The following AMZ1 variants were observed in gnomAD, a reference collection of about 807,000 sequenced individuals.
AMZ1 encodes archaelysin family metallopeptidase 1, also known as archaemetzincin-1.
AMZ1 carries 39 observed loss-of-function variants against 29.9 expected under a neutral mutation model. The observed-to-expected ratio is 1.30, with a 90% CI of 1.01 to 1.70. The LOEUF (loss-of-function observed/expected upper bound fraction) is 1.70, where lower values mean the gene tolerates loss of function less well. Among genes scored for constraint, AMZ1 ranks in the 40% most tolerant of loss-of-function variants. The pLI is 0.00. For missense variants in AMZ1, 1,041 were observed against 680.6 expected (o/e 1.53, Z -5.89); for synonymous variants, 458 against 304.0 (o/e 1.51, Z -5.27).
intron 3 of AMZ1, 108 bp downstream of exon 3, chr7:2,702,997 C>G: frequency 7.2e-7 from 1 of 1,388,382 alleles, no homozygotes. Context: ...TTCCTTTTTG[C>G]TGGGAAACAT....
At chr7:2,729,535 T>G (rs1460489895) in intron 4 of AMZ1, 2 of 152,366 alleles carry the variant, frequency 1.3e-5, no homozygotes, top group East Asian at 3.8e-4. Context: ...GAGAACGCTG[T>G]GCTAACAGGG....
chr7:2,705,258 G>C lies in AMZ1; in HGVS notation c.472+2369G>C, dbSNP rs866900200. ...TCATTCTGATGGTCCCCAGGGCTCC[G>C]CATCCCTCCCAGGGCAGGAAGCATG... On this transcript the variant is annotated intron_variant, in intron 3 of 6. Transcript: ENST00000683327. Among the ~76,000 whole-genome samples the C allele has an allele frequency of 2.6e-5, 4 of 152,210 alleles. No individual in the cohort carries two copies. In the Middle Eastern group the frequency reaches 0.01, roughly 388 times the overall value.
At chr7:2,736,609 T>C (rs911195026) in intron 4 of AMZ1, among the ~76,000 whole-genome samples, 1 of 152,264 alleles carries the variant, frequency 6.6e-6, no homozygotes, top group African/African-American at 2.4e-5. Flanking sequence ...CGGGCAGATG[T>C]GATGTCGTGA....
intron 3 of AMZ1, among the ~76,000 whole-genome samples, chr7:2,707,651 A>G (rs535358598): frequency 6.6e-6 from 1 of 152,094 alleles, no homozygotes; most frequent in South Asian, 2.1e-4. Flanking sequence ...TGCCCAGGCT[A>G]AAGTCAAGGG....
intron 4 of AMZ1, among the ~76,000 whole-genome samples, chr7:2,743,932 A>G (rs1790634995): frequency 6.6e-6 from 1 of 152,092 alleles, no homozygotes; most frequent in Non-Finnish European, 1.5e-5. Context: ...CTAGCACAGC[A>G]GTCTGAGATC....
chr7:2,751,696 T>C (rs1791047012), intron 4 of AMZ1, among the ~76,000 whole-genome samples: 1 of 152,192 alleles, frequency 6.6e-6, no homozygotes, highest in African/African-American at 2.4e-5. Context: ...TATAGCTCCG[T>C]CAAACATTGA....
chr7:2,756,944 C>T (rs895478873), intron 4 of AMZ1, among the ~76,000 whole-genome samples: 14 of 152,150 alleles, frequency 9.2e-5, no homozygotes, highest in African/African-American at 2.9e-4. Flanking sequence ...TGTGGTGGCA[C>T]ATGCCTGTAG....
intron 1 of AMZ1, among the ~76,000 whole-genome samples, chr7:2,693,122 T>C (rs1467213595): frequency 1.3e-5 from 2 of 152,184 alleles, no homozygotes; most frequent in African/African-American, 4.8e-5. Flanking sequence ...TGTTTTGAGA[T>C]GGAGTTTTTG....
Position 2,682,129 on chromosome 7 carries a change from G to A in AMZ1, c.-219+2458G>A, listed in dbSNP as rs951119688. The stretch of plus-strand genomic sequence containing the variant: ...GTGAATACTAATCCAGAAGCTCAAA[G>A]GGCGGCCTCACAGGCTGGGCACAGG... On this transcript the variant is annotated intron_variant, in intron 1 of 6. Coordinates refer to the AMZ1 transcript ENST00000312371. Among the ~76,000 whole-genome samples, 41 of 152,336 alleles carry A rather than the reference G, an allele frequency of 2.7e-4. 1 individual carries two copies. The highest frequency in any genetic ancestry group is 9.6e-4 in the African/African-American group (40 of 41,592).
At chr7:2,759,397 A>G (rs1791454828) in intron 4 of AMZ1, among the ~76,000 whole-genome samples, 2 of 152,118 alleles carry the variant, frequency 1.3e-5, no homozygotes, top group Non-Finnish European at 2.9e-5. Context: ...CATTCTCACA[A>G]TACTCACGGT....
chr7:2,737,333 G>A (rs561186933), intron 4 of AMZ1, among the ~76,000 whole-genome samples: 83 of 122,060 alleles, frequency 6.8e-4, no homozygotes, highest in South Asian at 3.2e-3. Context: ...CTGTCGCCCC[G>A]GCTGGAGTGC....
At chr7:2,689,775 C>T (rs569610780) in intron 1 of AMZ1, among the ~76,000 whole-genome samples, 6 of 152,184 alleles carry the variant, frequency 3.9e-5, no homozygotes, top group Non-Finnish European at 8.8e-5. Flanking sequence ...GTGACAGGGT[C>T]CAAAGGACAG....
At position 2,712,844 on chromosome 7, in the gene AMZ1, C is replaced by T. The variant is rs151107679; in HGVS notation, c.1463C>T (p.Ser488Leu). 278 of 1,527,136 alleles carry T rather than the reference C, an allele frequency of 1.8e-4. No homozygotes were observed. In the African/African-American group the frequency reaches 3.4e-3, roughly 18 times the overall value. 94.6% of individuals were successfully genotyped at this position (1,527,136 alleles called of 1,614,324 possible). A position where few individuals can be genotyped will look rare whatever the true frequency, so the allele number is the denominator to read the frequency against. The change falls in exon 7 of 7, where the codon TCG becomes TTG. Residue 488 changes from serine to leucine, a missense_variant. By Grantham distance (145) the Ser-to-Leu change is moderately radical (BLOSUM62 -2). Coordinates refer to ENST00000683327, the MANE Select transcript of AMZ1 (RefSeq NM_001384743.1). ...LSARKLARAE[S>L]APRPWDGEES Reference sequence around the variant, plus strand: ...GCCCGAAAACTCGCCAGAGCAGAGTCGGCCCCCCGTCCCTGGGATGGGGAA... The same window carrying T: ...GCCCGAAAACTCGCCAGAGCAGAGTTGGCCCCCCGTCCCTGGGATGGGGAA...
At chr7:2,738,245 T>A (rs1031067010) in intron 4 of AMZ1, among the ~76,000 whole-genome samples, 1 of 151,628 alleles carries the variant, frequency 6.6e-6, no homozygotes, top group Non-Finnish European at 1.5e-5. Flanking sequence ...TGAAACCCTG[T>A]CTGTACTAAA....
chr7:2,745,363 T>A (rs926372908), intron 4 of AMZ1, among the ~76,000 whole-genome samples: 6 of 152,192 alleles, frequency 3.9e-5, no homozygotes, highest in African/African-American at 1.4e-4. Flanking sequence ...GGGGCCAATA[T>A]TCAACATTCT....
chr7:2,685,328 C>T (rs974563507), upstream of AMZ1, among the ~76,000 whole-genome samples: 30 of 151,622 alleles, frequency 2.0e-4, no homozygotes, highest in African/African-American at 7.0e-4. Context: ...GAGGCCAAGG[C>T]GGGTGGATCA....
intron 4 of AMZ1, among the ~76,000 whole-genome samples, chr7:2,748,991 C>A (rs1790898851): frequency 6.6e-6 from 1 of 152,158 alleles, no homozygotes; most frequent in Non-Finnish European, 1.5e-5. Flanking sequence ...GAATGGTGAT[C>A]ATTAAAAAGT....
chr7:2,705,774 C>A (rs544788030), intron 3 of AMZ1, among the ~76,000 whole-genome samples: 10 of 152,246 alleles, frequency 6.6e-5, no homozygotes, highest in Non-Finnish European at 4.4e-5. Context: ...ACAGGCTTCC[C>A]CAGCCCCTGA....
In AMZ1 at chr7:2,709,351, C is replaced by T; in HGVS notation, c.771+107C>T. The T allele has an allele frequency of 6.6e-6, 8 of 1,205,922 alleles. No individual in the cohort carries two copies. The South Asian group carries it at 6.7e-5, about 10-fold the overall frequency. The allele number at this position is 1,205,922 out of a possible 1,614,324, so 74.7% of individuals were successfully genotyped here. ...CCATCCTCACAGTGAAGTGGATGGA[C>T]CCCTAACTCTATGGAATGAGGAAAG... On this transcript the variant is annotated intron_variant, in intron 5 of 6. Coordinates refer to ENST00000683327, the MANE Select transcript of AMZ1 (RefSeq NM_001384743.1).
Sources: allele counts gnomAD v4.1 joint callset (sites outside exome capture counted in the v4.1 genomes callset), GRCh38; gene constraint gnomAD v4.1.1; transcripts MANE v1.5; gene names NCBI Gene and HGNC (gene_info 2026-07-23, HGNC 2026-07-21).